The following HTT variants were observed in gnomAD, a reference collection of about 807,000 sequenced individuals.
HTT encodes the protein huntington disease protein.
Under a neutral mutation model 362.3 loss-of-function variants are expected in HTT, and 104 were observed. That is an observed-to-expected ratio of 0.29 (90% CI 0.24 to 0.34). The LOEUF is 0.34. Ranked by LOEUF, HTT falls within the 10% of genes least tolerant of loss-of-function variation. HTT has a pLI of 1.00. For missense variants in HTT, 3,301 were observed against 3,928.6 expected, an observed-to-expected ratio of 0.84 and a Z score of 4.27; for synonymous variants, 1,577 against 1,548.7, an observed-to-expected ratio of 1.02 and a Z score of -0.43.
chr4:3,215,295 T>C (rs964531186), intron 51 of HTT, 84 bp downstream of exon 51: 3 of 980,566 alleles, frequency 3.1e-6, no homozygotes, highest in African/African-American at 1.6e-5. Context: ...CCGCGGTGAG[T>C]GTGGACTCCT....
At chr4:3,194,878 C>T (rs558439517) in intron 40 of HTT, among the ~76,000 whole-genome samples, 2 of 152,318 alleles carry the variant, frequency 1.3e-5, no homozygotes, top group Admixed American at 1.3e-4. Context: ...GACAGGGCTA[C>T]TAACAATTAT....
Position 3,123,158 on chromosome 4 carries a change from T to G in HTT, c.1321+222T>G, listed in dbSNP as rs76800001. On this transcript the variant is annotated intron_variant, in intron 10 of 66. Coordinates refer to ENST00000355072, the MANE Select transcript of HTT (RefSeq NM_001388492.1). ...AAATTACTTTCATATCAGAATTGCTTTGTCATAAATTTTGAACGCATCATA... is the reference window on the plus strand; with the variant it reads ...AAATTACTTTCATATCAGAATTGCTGTGTCATAAATTTTGAACGCATCATA... 9.9e-4 allele frequency: 393 copies of G among 398,578 alleles called. 2 individuals carry two copies. The highest frequency in any genetic ancestry group is 7.7e-3 in the African/African-American group (373 of 48,538). 24.7% of individuals were successfully genotyped at this position (398,578 alleles called of 1,614,324 possible).
In HTT at chr4:3,229,500, C is replaced by T. The variant is rs563212963; in HGVS notation, c.8110-387C>T. 1.6e-3 allele frequency among the ~76,000 whole-genome samples: 245 copies of T among 149,088 alleles called. 2 individuals are homozygous for T. The highest frequency in any genetic ancestry group is 3.0e-3 in the Admixed American group (45 of 14,994). On this transcript the variant is annotated intron_variant, in intron 59 of 66. Coordinates refer to ENST00000355072, the MANE Select transcript of HTT (RefSeq NM_001388492.1). ...CATGGCACACACTACACACACGCCA[C>T]GTGCACACACCCCACACACATGTAC...
At chr4:3,179,890 C>A (rs1044728732) in intron 35 of HTT, among the ~76,000 whole-genome samples, 7 of 150,916 alleles carry the variant, frequency 4.6e-5, no homozygotes, top group African/African-American at 1.7e-4. Flanking sequence ...GTATGTGTCA[C>A]TGAGGGGTCA....
At chr4:3,108,170 G>A (rs1426732831) in intron 6 of HTT, among the ~76,000 whole-genome samples, 1 of 152,204 alleles carries the variant, frequency 6.6e-6, no homozygotes. Flanking sequence ...AGGAATATGT[G>A]TTAGAGTGTA....
At chr4:3,201,713 A>G (rs1314063543) in intron 41 of HTT, among the ~76,000 whole-genome samples, 2 of 152,158 alleles carry the variant, frequency 1.3e-5, no homozygotes, top group Non-Finnish European at 2.9e-5. Flanking sequence ...TAAGTGTCCA[A>G]GATGCCCATA....
At chr4:3,138,995 C>T (rs761075918) in intron 21 of HTT, among the ~76,000 whole-genome samples, 10 of 152,220 alleles carry the variant, frequency 6.6e-5, no homozygotes, top group Non-Finnish European at 7.4e-5. Context: ...TATAAAAAAA[C>T]GAAATAATCT....
At chr4:3,095,822 C>G in intron 2 of HTT, among the ~76,000 whole-genome samples, 1 of 151,816 alleles carries the variant, frequency 6.6e-6, no homozygotes, top group East Asian at 1.9e-4. Context: ...ATGGTGAATC[C>G]CAAAGAAGCC....
chr4:3,216,676 C>T (rs551826607), intron 51 of HTT, among the ~76,000 whole-genome samples: 4 of 152,238 alleles, frequency 2.6e-5, no homozygotes, highest in African/African-American at 9.6e-5. Flanking sequence ...GAGTGGGAAG[C>T]TTTCTTTGTT....
At chr4:3,229,234 CCA>C (rs200984034) in intron 59 of HTT, among the ~76,000 whole-genome samples, 489 of 148,952 alleles carry the variant, frequency 3.3e-3, no homozygotes, top group Middle Eastern at 0.017. Context: ...AGCACACATG[CCA>C]CACACACACG....
chr4:3,074,742 G>T lies in HTT; in HGVS notation c.-84G>T, dbSNP rs201071630. On this transcript the variant is annotated 5_prime_UTR_variant, in exon 1 of 67. Coordinates refer to ENST00000355072, the MANE Select transcript of HTT (RefSeq NM_001388492.1). ...GTTCTGCTTTTACCTGCGGCCCAGA[G>T]CCCCATTCATTGCCCCGGTGCTGAG... 1.4e-6 allele frequency: 2 copies of T among 1,402,540 alleles called. No individual in the cohort carries two copies. Among genetic ancestry groups the T allele is most frequent in the East Asian group, 3.0e-5 (1 of 33,632 alleles). 86.9% of individuals were successfully genotyped at this position (1,402,540 alleles called of 1,614,324 possible).
intron 38 of HTT, among the ~76,000 whole-genome samples, 181 bp downstream of exon 38, chr4:3,186,900 C>T (rs1319799613): frequency 5.4e-5 from 8 of 149,394 alleles, no homozygotes; most frequent in African/African-American, 7.4e-5. Context: ...ACTCTGTCGC[C>T]CAGGCTGGAG....
At chr4:3,225,857 C>CT (rs74815853) in intron 57 of HTT, 114 bp downstream of exon 57, 29 of 679,490 alleles carry the variant, frequency 4.3e-5, no homozygotes, top group South Asian at 8.3e-5. Flanking sequence ...GGAAGTTTTC[C>CT]TTTTTTTTAA....
In HTT at chr4:3,242,442, C is replaced by T. The variant is rs1417263308; in HGVS notation, c.*2383C>T. 1 of 152,244 alleles carries T rather than the reference C, an allele frequency of 6.6e-6. No homozygotes were observed. The highest frequency in any genetic ancestry group is 1.5e-5 in the Non-Finnish European group (1 of 68,052). 9.4% of individuals were successfully genotyped at this position (152,244 alleles called of 1,614,324 possible). A position where few individuals can be genotyped will look rare whatever the true frequency, so the allele number is the denominator to read the frequency against. ...TCTATAATTTTACACACACACCTCT[C>T]AAGACGGAGATGCATGGCCTCTAAG... On this transcript the variant is annotated 3_prime_UTR_variant, in exon 67 of 67. Transcript: ENST00000355072.
At chr4:3,223,324 G>T in intron 54 of HTT, 82 bp from the exon 55 acceptor site, 1 of 1,350,666 alleles carries the variant, frequency 7.4e-7, no homozygotes. Flanking sequence ...TCCCATTGAG[G>T]CAGGGAAGAC....
rs59577239 is a variant in HTT at position 3,158,766 on chromosome 4, C to T, written c.3754-1516C>T. On this transcript the variant is annotated intron_variant, in intron 28 of 66. Transcript: ENST00000355072. The stretch of plus-strand genomic sequence containing the variant: ...CAAGGTTTGAGGTCTCTTTAAGCTG[C>T]ATGGTTCTCATGTCAGCTCCCAAAG... 1.9e-3 allele frequency among the ~76,000 whole-genome samples: 289 copies of T among 152,140 alleles called. 2 individuals are homozygous for T. Among genetic ancestry groups the T allele is most frequent in the African/African-American group, 6.7e-3 (277 of 41,494 alleles).
chr4:3,132,675 C>T lies in HTT; in HGVS notation c.2350C>T (p.Arg784Cys), dbSNP rs375919976. Residue 784 changes from arginine (R) to cysteine (C), a missense_variant, in exon 17 of 67, where the codon CGC (arginine) becomes TGC (cysteine). Arg to Cys is a radical substitution (Grantham distance 180). This residue lies in a region of HTT where 2,316 missense variants were observed against 2,658.5 expected (regional missense o/e 0.87). Coordinates refer to ENST00000355072, the MANE Select transcript of HTT (RefSeq NM_001388492.1). ...TLICSILSRS[R>C]FHVGDWMGTI... ...CATCTGCTCCATCCTCAGCAGGTCC[C>T]GCTTCCACGTGGGAGATTGGATGGG... 37 of 1,614,026 alleles carry T rather than the reference C, an allele frequency of 2.3e-5. No individual in the cohort carries two copies. Among genetic ancestry groups the T allele is most frequent in the East Asian group, 4.5e-5 (2 of 44,898 alleles).
At chr4:3,105,277 A>G in intron 4 of HTT, 80 bp from the exon 5 acceptor site, 1 of 941,712 alleles carries the variant, frequency 1.1e-6, no homozygotes, top group Non-Finnish European at 1.7e-6. Flanking sequence ...GTAACAAGGA[A>G]AGAAAATGCT....
intron 2 of HTT, among the ~76,000 whole-genome samples, chr4:3,092,017 A>G (rs1713534622): frequency 6.6e-6 from 1 of 152,068 alleles, no homozygotes; most frequent in Non-Finnish European, 1.5e-5. Context: ...AAAATTTAAG[A>G]TATATTTATT....
Sources: allele counts gnomAD v4.1 joint callset (sites outside exome capture counted in the v4.1 genomes callset), GRCh38; gene constraint gnomAD v4.1.1; regional missense constraint gnomAD v4.1.1; transcripts MANE v1.5; gene names NCBI Gene and HGNC (gene_info 2026-07-23, HGNC 2026-07-21).